The following FAM193A variants were observed in gnomAD, a reference collection of about 807,000 sequenced individuals.
FAM193A encodes the protein family with sequence similarity 193 member A, also known as protein FAM193A.
A neutral mutation model predicts 126.5 loss-of-function variants in FAM193A; 22 were observed. The ratio of observed to expected loss-of-function variants is 0.17; its 90% CI spans 0.12 to 0.25. The LOEUF (loss-of-function observed/expected upper bound fraction) is 0.25, where lower values mean the gene tolerates loss of function less well. Among genes scored for constraint, FAM193A ranks in the 10% least tolerant of loss-of-function variants. The pLI is 1.00. For synonymous variants in FAM193A, 761 were observed against 646.8 expected (o/e 1.18, Z -2.68); for missense variants, 1,675 against 1,672.8 (o/e 1.00, Z -0.02).
intron 5 of FAM193A, among the ~76,000 whole-genome samples, chr4:2,638,134 C>T (rs1049793190): frequency 1.3e-5 from 2 of 152,226 alleles, no homozygotes; most frequent in Non-Finnish European, 2.9e-5. Flanking sequence ...GGAGGCCCCT[C>T]CCTCAGCTAG....
chr4:2,544,480 A>C (rs948079875), intron 1 of FAM193A, among the ~76,000 whole-genome samples: 1 of 152,108 alleles, frequency 6.6e-6, no homozygotes, highest in Non-Finnish European at 1.5e-5. Context: ...AGGTGGAAGG[A>C]TCACGAGGTC....
At chr4:2,579,741 G>A (rs1205006765) in intron 1 of FAM193A, among the ~76,000 whole-genome samples, 1 of 152,000 alleles carries the variant, frequency 6.6e-6, no homozygotes. Flanking sequence ...TGATTTTTCA[G>A]CAGTGAGAAT....
At chr4:2,644,201 A>G (rs1296495147) in intron 6 of FAM193A, among the ~76,000 whole-genome samples, 1 of 152,160 alleles carries the variant, frequency 6.6e-6, no homozygotes, top group Non-Finnish European at 1.5e-5. Context: ...TATACCAACA[A>G]AGATATCCAC....
chr4:2,602,500 C>T (rs1013613861), intron 2 of FAM193A, among the ~76,000 whole-genome samples: 1 of 151,714 alleles, frequency 6.6e-6, no homozygotes, highest in African/African-American at 2.4e-5. Flanking sequence ...ATTACAGGCA[C>T]GTGCCATCAA....
intron 16 of FAM193A, 54 bp from the exon 17 acceptor site, chr4:2,694,892 G>A: frequency 6.8e-7 from 1 of 1,476,548 alleles, no homozygotes; most frequent in Non-Finnish European, 9.1e-7. Flanking sequence ...AACAATGTGA[G>A]TCATTGCCTC....
At chr4:2,593,641 G>A (rs994544482) in intron 1 of FAM193A, among the ~76,000 whole-genome samples, 1 of 152,186 alleles carries the variant, frequency 6.6e-6, no homozygotes, top group East Asian at 1.9e-4. Flanking sequence ...TGGATGACTG[G>A]TGAATGTACA....
chr4:2,712,805 A>T (rs569423098), intron 19 of FAM193A, among the ~76,000 whole-genome samples: 31 of 149,594 alleles, frequency 2.1e-4, no homozygotes, highest in Admixed American at 2.0e-3. Flanking sequence ...TTTTTTATTT[A>T]AAAAAAAAAT....
At position 2,558,313 on chromosome 4, in the gene FAM193A, A is replaced by G. The variant is rs542666986; in HGVS notation, c.255+21143A>G. Among the ~76,000 whole-genome samples, 23 of 152,260 alleles carry G rather than the reference A, an allele frequency of 1.5e-4. No individual in the cohort carries two copies. In the South Asian group the frequency reaches 4.8e-3, roughly 32 times the overall value. On this transcript the variant is annotated intron_variant, in intron 1 of 20. Coordinates refer to ENST00000637812, the MANE Select transcript of FAM193A (RefSeq NM_001366318.2). Reference sequence around the variant, plus strand: ...GGAAAGAAAAAAATAGTGTACTACAATCTAATTACTTTTCCTAAAAATACT... The same window carrying G: ...GGAAAGAAAAAAATAGTGTACTACAGTCTAATTACTTTTCCTAAAAATACT...
At chr4:2,602,986 T>TTTTTTTTTTTTTTA (rs1491042624) in intron 2 of FAM193A, among the ~76,000 whole-genome samples, 1 of 78,404 alleles carries the variant, frequency 1.3e-5, no homozygotes, top group African/African-American at 3.9e-5. Context: ...TTTTTTTTTT[T>TTTTTTTTTTTTTTA]GAGACGAAGT....
At chr4:2,704,331 C>T (rs1302491539) in intron 19 of FAM193A, among the ~76,000 whole-genome samples, 3 of 151,474 alleles carry the variant, frequency 2.0e-5, no homozygotes, top group African/African-American at 7.3e-5. Context: ...TTTGAGAGGC[C>T]AAGACAGGCA....
intron 1 of FAM193A, among the ~76,000 whole-genome samples, chr4:2,540,109 ACT>A (rs1302491088): frequency 7.2e-6 from 1 of 139,298 alleles, no homozygotes; most frequent in African/African-American, 2.6e-5. Context: ...CAAGAGTGAA[ACT>A]CTGTCTCAAA....
At chr4:2,713,202 C>G (rs1457071392) in intron 19 of FAM193A, among the ~76,000 whole-genome samples, 1 of 151,494 alleles carries the variant, frequency 6.6e-6, no homozygotes, top group African/African-American at 2.4e-5. Context: ...GTCAAGAGAT[C>G]AAGACCATCC....
chr4:2,674,657 T>C (rs893928821), intron 13 of FAM193A, among the ~76,000 whole-genome samples: 11 of 152,146 alleles, frequency 7.2e-5, no homozygotes, highest in African/African-American at 2.7e-4. Context: ...TTTTAGGCTT[T>C]GTGGGTAAAT....
At chr4:2,580,259 A>G (rs1399770015) in intron 1 of FAM193A, among the ~76,000 whole-genome samples, 1 of 152,096 alleles carries the variant, frequency 6.6e-6, no homozygotes, top group Non-Finnish European at 1.5e-5. Flanking sequence ...GATACCGCAT[A>G]TTCTCGCTTA....
intron 6 of FAM193A, among the ~76,000 whole-genome samples, chr4:2,640,633 A>G (rs1253174723): frequency 6.6e-6 from 1 of 152,180 alleles, no homozygotes; most frequent in Non-Finnish European, 1.5e-5. Flanking sequence ...CCCATAATAC[A>G]GACCCATCGT....
At chr4:2,603,265 T>C (rs1466469729) in intron 2 of FAM193A, among the ~76,000 whole-genome samples, 7 of 141,696 alleles carry the variant, frequency 4.9e-5, no homozygotes, top group Non-Finnish European at 1.1e-4. Flanking sequence ...ATTATAGGTG[T>C]GAGCCACCGC....
intron 20 of FAM193A, among the ~76,000 whole-genome samples, chr4:2,729,080 A>G (rs1013963433): frequency 1.3e-5 from 2 of 152,008 alleles, no homozygotes; most frequent in Admixed American, 6.6e-5. Flanking sequence ...ATGGTTAGGC[A>G]GTTGTCACAC....
Position 2,626,938 on chromosome 4 carries a change from C to T in FAM193A, c.803+361C>T, listed in dbSNP as rs374414542. ...CCTTTATCAACCCAAGGAGAAAGGC[C>T]GAGTTAGCCCATTTATGAAGTGAAA... On this transcript the variant is annotated intron_variant, in intron 4 of 20. Coordinates refer to ENST00000637812, the MANE Select transcript of FAM193A (RefSeq NM_001366318.2). Among the ~76,000 whole-genome samples the T allele has an allele frequency of 3.2e-3, 485 of 151,872 alleles. 2 individuals are homozygous for T. The highest frequency in any genetic ancestry group is 8.2e-3 in the African/African-American group (339 of 41,364).
At position 2,618,591 on chromosome 4, in the gene FAM193A, C is replaced by CTT. The variant is rs34641526; in HGVS notation, c.502-6651_502-6650dup. 4.7e-3 allele frequency among the ~76,000 whole-genome samples: 372 copies of CTT among 79,838 alleles called. 25 individuals are homozygous for CTT. The highest frequency in any genetic ancestry group is 1.0e-2 in the African/African-American group (191 of 19,160). The allele number at this position is 79,838 out of a possible 152,430, so 52.4% of individuals were successfully genotyped here. ...TATAGGTGCCCGCCACCATGCCCGGCTTTTTTTTTTTTTTTTTTTTTGAGA... is the reference window on the plus strand; with the variant it reads ...TATAGGTGCCCGCCACCATGCCCGGCTTTTTTTTTTTTTTTTTTTTTTTGAGA... On this transcript the variant is annotated intron_variant, in intron 2 of 20. Transcript: ENST00000637812.
Sources: gnomAD v4.1 joint callset for allele counts (sites outside exome capture counted in the v4.1 genomes callset) on GRCh38, gnomAD v4.1.1 for gene constraint, MANE v1.5 for transcripts, NCBI Gene and HGNC (gene_info 2026-07-23, HGNC 2026-07-21) for gene names.